AIMP1: variants seen among roughly 807,000 people sequenced by gnomAD.
AIMP1 encodes the protein aminoacyl tRNA synthetase complex interacting multifunctional protein 1, also known as aminoacyl tRNA synthase complex-interacting multifunctional protein 1.
In AIMP1, 24 loss-of-function variants were observed where a neutral mutation model predicts 33.1. The observed-to-expected ratio is 0.73, with a 90% CI of 0.53 to 1.02. The LOEUF (loss-of-function observed/expected upper bound fraction) is 1.02, where lower values mean the gene tolerates loss of function less well. Among genes scored for constraint, AIMP1 ranks in the 50% least tolerant of loss-of-function variants. The pLI, the probability that AIMP1 is intolerant of heterozygous loss-of-function variation, is 0.00. For synonymous variants in AIMP1, 120 were observed against 121.5 expected, an observed-to-expected ratio of 0.99 and a Z score of 0.08; for missense variants, 367 against 364.8, an observed-to-expected ratio of 1.01 and a Z score of -0.05.
chr4:106,340,814 G>A (rs559576122), intron 6 of AIMP1, among the ~76,000 whole-genome samples: 1 of 152,294 alleles, frequency 6.6e-6, no homozygotes, highest in East Asian at 1.9e-4. Flanking sequence ...CCAGTAATGG[G>A]ATTGCTAGGT....
Position 106,349,274 on chromosome 4 carries a change from C to T in AIMP1, c.*1582C>T, listed in dbSNP as rs1329791590. On this transcript the variant is annotated 3_prime_UTR_variant, in exon 7 of 7. Transcript: ENST00000672341. ...AATTTTTCTCAATTATATTAAATTTCTTTAATATAATTTAAATAATATTTC... is the reference window on the plus strand; with the variant it reads ...AATTTTTCTCAATTATATTAAATTTTTTTAATATAATTTAAATAATATTTC... 6.6e-6 allele frequency: 1 copy of T among 151,456 alleles called. No homozygotes were observed. Among genetic ancestry groups the T allele is most frequent in the Non-Finnish European group, 1.5e-5 (1 of 67,830 alleles). The allele number at this position is 151,456 out of a possible 1,614,324, so 9.4% of individuals were successfully genotyped here.
chr4:106,331,531 A>T, intron 4 of AIMP1, 141 bp from the exon 5 acceptor site: 1 of 694,168 alleles, frequency 1.4e-6, no homozygotes, highest in Admixed American at 2.8e-5. Flanking sequence ...TTTCTTTGTT[A>T]TTATTTAAGT....
Position 106,337,014 on chromosome 4 carries a change from G to A in AIMP1, c.749G>A (p.Arg250Lys). The A allele has an allele frequency of 6.2e-7, 1 of 1,614,070 alleles. No homozygotes were observed. Among genetic ancestry groups the A allele is most frequent in the Non-Finnish European group, 8.5e-7 (1 of 1,179,956 alleles). ...APPNGSVPGD[R>K]ITFDAFPGEP... is the part of the protein sequence containing the mutation. ...CCAAATGGGTCTGTTCCTGGAGACA[G>A]AATTACTTTTGATGCTTTCCCAGGT... Residue 250 changes from arginine (R) to lysine (K), a missense_variant, in exon 6 of 7, where the codon AGA becomes AAA. Physicochemically the swap from Arg to Lys is conservative, Grantham distance 26. Transcript: ENST00000672341.
At chr4:106,317,602 A>G (rs72660534) in intron 1 of AIMP1, among the ~76,000 whole-genome samples, 1,604 of 152,312 alleles carry the variant, frequency 0.011, 9 homozygotes, top group Non-Finnish European at 0.015. Context: ...TATATTCTTG[A>G]TGCACTTAAT....
At chr4:106,331,539 A>C in intron 4 of AIMP1, 133 bp from the exon 5 acceptor site, 1 of 721,826 alleles carries the variant, frequency 1.4e-6, no homozygotes, top group Non-Finnish European at 2.4e-6. Context: ...TTATTATTTA[A>C]GTGAAGGTAG....
chr4:106,341,909 T>G (rs1770112994), intron 6 of AIMP1, among the ~76,000 whole-genome samples: 1 of 152,194 alleles, frequency 6.6e-6, no homozygotes, highest in South Asian at 2.1e-4. Context: ...CAATACTGAT[T>G]TTTCCAATCC....
intron 1 of AIMP1, among the ~76,000 whole-genome samples, chr4:106,320,911 T>C (rs2125918663): frequency 6.6e-6 from 1 of 152,176 alleles, no homozygotes; most frequent in Non-Finnish European, 1.5e-5. Flanking sequence ...CACTCCTGAC[T>C]GGTTTTTGTA....
At chr4:106,342,926 A>T (rs1188664224) in intron 6 of AIMP1, among the ~76,000 whole-genome samples, 2 of 135,474 alleles carry the variant, frequency 1.5e-5, no homozygotes, top group African/African-American at 5.6e-5. Flanking sequence ...TTTTTTTGAG[A>T]CGGGGTCTGG....
chr4:106,331,970 A>G, intron 5 of AIMP1, 87 bp downstream of exon 5: 1 of 1,228,388 alleles, frequency 8.1e-7, no homozygotes, highest in Non-Finnish European at 1.2e-6. Context: ...AATTTTGTAT[A>G]CCATACAACA....
At chr4:106,320,190 G>A (rs1769162075) in intron 1 of AIMP1, among the ~76,000 whole-genome samples, 1 of 152,294 alleles carries the variant, frequency 6.6e-6, no homozygotes, top group African/African-American at 2.4e-5. Context: ...TCACAGGGGA[G>A]TAATTAGCAT....
At chr4:106,329,160 G>T (rs1266113614) in intron 4 of AIMP1, among the ~76,000 whole-genome samples, 1 of 151,404 alleles carries the variant, frequency 6.6e-6, no homozygotes, top group Non-Finnish European at 1.5e-5. Context: ...ACCTCTGTTA[G>T]TTAAAAGTAG....
At chr4:106,347,223 G>A (rs997619065) in intron 6 of AIMP1, among the ~76,000 whole-genome samples, 1 of 151,832 alleles carries the variant, frequency 6.6e-6, no homozygotes, top group Non-Finnish European at 1.5e-5. Flanking sequence ...ATATCAATGA[G>A]TACCTTACAT....
At chr4:106,318,742 A>G (rs1175316803) in intron 1 of AIMP1, among the ~76,000 whole-genome samples, 1 of 152,184 alleles carries the variant, frequency 6.6e-6, no homozygotes, top group South Asian at 2.1e-4. Flanking sequence ...CTATTGGCAT[A>G]TAGTTGTTGA....
intron 6 of AIMP1, among the ~76,000 whole-genome samples, chr4:106,342,466 C>G (rs1008263239): frequency 6.6e-6 from 1 of 152,028 alleles, no homozygotes. Context: ...TCCTTTGATG[C>G]CTAGTCTATT....
chr4:106,342,902 G>A (rs186346598), intron 6 of AIMP1, among the ~76,000 whole-genome samples: 7 of 149,496 alleles, frequency 4.7e-5, no homozygotes, highest in Admixed American at 1.4e-4. Context: ...ATCCGATCCA[G>A]GGCTTTTTTT....
chr4:106,328,979 A>G (rs1769559732), intron 4 of AIMP1, among the ~76,000 whole-genome samples: 1 of 151,340 alleles, frequency 6.6e-6, no homozygotes, highest in Non-Finnish European at 1.5e-5. Context: ...TTCCCCAGAT[A>G]TGTCTAAAAA....
chr4:106,318,469 G>A (rs1176441617), intron 1 of AIMP1, among the ~76,000 whole-genome samples: 3 of 152,118 alleles, frequency 2.0e-5, no homozygotes, highest in African/African-American at 7.2e-5. Flanking sequence ...GCAAATCAGG[G>A]AAAGAAGTTG....
At chr4:106,321,200 G>T in intron 1 of AIMP1, 1 of 162,524 alleles carries the variant, frequency 6.2e-6, no homozygotes, top group South Asian at 1.7e-4. Flanking sequence ...TCTTTGCCTG[G>T]CCGCCCATCG....
At chr4:106,325,792 A>G (rs906198465) in intron 2 of AIMP1, among the ~76,000 whole-genome samples, 4 of 152,130 alleles carry the variant, frequency 2.6e-5, no homozygotes, top group African/African-American at 9.7e-5. Flanking sequence ...ATATCCTGTA[A>G]GGAAAATATT....
Sources: allele counts gnomAD v4.1 joint callset (sites outside exome capture counted in the v4.1 genomes callset), GRCh38; gene constraint gnomAD v4.1.1; transcripts MANE v1.5; gene names NCBI Gene and HGNC (gene_info 2026-07-23, HGNC 2026-07-21).